KCNAB1: variants seen among roughly 807,000 people sequenced by gnomAD.
KCNAB1 encodes potassium voltage-gated channel subfamily A regulatory beta subunit 1.
KCNAB1 carries 35 observed loss-of-function variants against 64.6 expected under a neutral mutation model. The observed-to-expected ratio is 0.54, with a 90% CI of 0.41 to 0.72. The LOEUF is 0.72. KCNAB1 is among the 30% of genes least tolerant of loss of function. The pLI is 0.00. For missense variants in KCNAB1, 401 were observed against 512.9 expected, an observed-to-expected ratio of 0.78 and a Z score of 2.11; for synonymous variants, 177 against 183.8, an observed-to-expected ratio of 0.96 and a Z score of 0.30.
chr3:156,284,753 C>A (rs1389506989), intron 1 of KCNAB1, among the ~76,000 whole-genome samples: 1 of 152,226 alleles, frequency 6.6e-6, no homozygotes, highest in East Asian at 1.9e-4. Flanking sequence ...TCACCCCTTT[C>A]TTTGACTCAG....
chr3:156,388,370 GGAGCAAAGAGCCTCACA>G (rs1414019621), intron 1 of KCNAB1, among the ~76,000 whole-genome samples: 3 of 152,220 alleles, frequency 2.0e-5, no homozygotes, highest in African/African-American at 7.2e-5. Flanking sequence ...GCCCCTTCAA[GGAGCAAAGAGCCTCACA>G]GAGCAAAGAG....
intron 1 of KCNAB1, among the ~76,000 whole-genome samples, chr3:156,261,732 A>T (rs1032889605): frequency 6.6e-6 from 1 of 151,942 alleles, no homozygotes; most frequent in Non-Finnish European, 1.5e-5. Flanking sequence ...TTGCATTTCC[A>T]TACACATTTT....
intron 7 of KCNAB1, among the ~76,000 whole-genome samples, chr3:156,473,928 TATTTCAGGGAAGCATTA>T (rs959097283): frequency 2.0e-5 from 3 of 152,212 alleles, no homozygotes; most frequent in African/African-American, 7.2e-5. Context: ...CAATACATTC[TATTTCAGGGAAGCATTA>T]ATTTTACTAA....
chr3:156,232,790 G>T (rs75521577), intron 1 of KCNAB1, among the ~76,000 whole-genome samples: 3 of 152,156 alleles, frequency 2.0e-5, no homozygotes, highest in South Asian at 4.1e-4. Context: ...AGGGCTGGTA[G>T]TAATACAGAA....
chr3:156,410,123 G>C (rs551959648), intron 1 of KCNAB1, among the ~76,000 whole-genome samples: 8 of 152,282 alleles, frequency 5.3e-5, no homozygotes, highest in Admixed American at 4.6e-4. Flanking sequence ...ATAATAAAAG[G>C]ATGTTGGCTT....
intron 1 of KCNAB1, among the ~76,000 whole-genome samples, chr3:156,333,745 A>G (rs1393707135): frequency 6.6e-6 from 1 of 152,222 alleles, no homozygotes; most frequent in East Asian, 1.9e-4. Flanking sequence ...ACTCCTAGTG[A>G]TAATGTTTGA....
intron 1 of KCNAB1, among the ~76,000 whole-genome samples, chr3:156,325,413 T>C (rs1248773232): frequency 6.6e-6 from 1 of 152,104 alleles, no homozygotes; most frequent in Non-Finnish European, 1.5e-5. Flanking sequence ...TACTTTTAAA[T>C]CTCTTCCAAA....
chr3:156,204,782 G>A (rs998294866), intron 1 of KCNAB1, among the ~76,000 whole-genome samples: 2 of 151,932 alleles, frequency 1.3e-5, no homozygotes, highest in East Asian at 3.9e-4. Context: ...GCAATGAACC[G>A]GATTGTGCCA....
At chr3:156,127,332 A>G (rs1348003351) in intron 1 of KCNAB1, among the ~76,000 whole-genome samples, 3 of 152,158 alleles carry the variant, frequency 2.0e-5, no homozygotes, top group Non-Finnish European at 4.4e-5. Context: ...TATGATATCT[A>G]TTTCTTAGAG....
chr3:156,292,767 T>C (rs1475614941), intron 1 of KCNAB1, among the ~76,000 whole-genome samples: 1 of 152,228 alleles, frequency 6.6e-6, no homozygotes, highest in Non-Finnish European at 1.5e-5. Context: ...GGTCTCGAAC[T>C]CCTGACCTCA....
downstream of KCNAB1, chr3:156,538,998 G>T (rs1719275790): frequency 6.8e-6 from 1 of 147,024 alleles, no homozygotes; most frequent in South Asian, 2.2e-4. Flanking sequence ...AATCTGTCAT[G>T]GTAAATATAC....
At chr3:156,368,972 G>C (rs1437447324) in intron 1 of KCNAB1, among the ~76,000 whole-genome samples, 1 of 152,078 alleles carries the variant, frequency 6.6e-6, no homozygotes, top group Non-Finnish European at 1.5e-5. Context: ...ATTTGTATGT[G>C]GTAAAAGGCA....
chr3:156,124,861 C>A (rs771605965), intron 1 of KCNAB1, among the ~76,000 whole-genome samples: 9 of 151,966 alleles, frequency 5.9e-5, no homozygotes, highest in Admixed American at 2.6e-4. Context: ...GGTCGTAGGC[C>A]GGGCATGGTG....
intron 1 of KCNAB1, among the ~76,000 whole-genome samples, chr3:156,417,575 TTTAAAAC>T (rs2108219669): frequency 6.6e-6 from 1 of 152,346 alleles, no homozygotes; most frequent in South Asian, 2.1e-4. Flanking sequence ...AAACAAGCCA[TTTAAAAC>T]AACAAATTTG....
intron 1 of KCNAB1, among the ~76,000 whole-genome samples, chr3:156,390,727 C>T (rs921644891): frequency 6.6e-6 from 1 of 151,888 alleles, no homozygotes; most frequent in Non-Finnish European, 1.5e-5. Context: ...GGACTACAGG[C>T]GCCTGCTACC....
intron 1 of KCNAB1, among the ~76,000 whole-genome samples, chr3:156,274,595 G>A (rs916286290): frequency 5.9e-5 from 9 of 151,996 alleles, no homozygotes; most frequent in African/African-American, 1.9e-4. Context: ...AACTATCTCT[G>A]TGATGTAGTC....
intron 8 of KCNAB1, among the ~76,000 whole-genome samples, chr3:156,507,756 A>C (rs1716921542): frequency 1.3e-5 from 2 of 152,188 alleles, no homozygotes; most frequent in South Asian, 4.1e-4. Flanking sequence ...TGTTAACAGC[A>C]ACTCCTCTGA....
intron 1 of KCNAB1, among the ~76,000 whole-genome samples, chr3:156,348,458 G>C (rs1239009579): frequency 6.6e-6 from 1 of 152,156 alleles, no homozygotes; most frequent in Non-Finnish European, 1.5e-5. Context: ...CGTGGATTGG[G>C]CATGAGAGAT....
At chr3:156,311,037 G>A (rs1721864775) in intron 1 of KCNAB1, among the ~76,000 whole-genome samples, 1 of 152,132 alleles carries the variant, frequency 6.6e-6, no homozygotes, top group African/African-American at 2.4e-5. Flanking sequence ...AGTGAAAGAG[G>A]AGATGGTGTT....
Sources: gnomAD v4.1 joint callset for allele counts (sites outside exome capture counted in the v4.1 genomes callset) on GRCh38, gnomAD v4.1.1 for gene constraint, MANE v1.5 for transcripts, NCBI Gene and HGNC (gene_info 2026-07-23, HGNC 2026-07-21) for gene names.